TTC33: variants seen among roughly 807,000 people sequenced by gnomAD.
TTC33 encodes tetratricopeptide repeat domain 33, also known as tetratricopeptide repeat protein 33.
In TTC33, 24 loss-of-function variants were observed where a neutral mutation model predicts 29.4. That is an observed-to-expected ratio of 0.82 (90% confidence interval 0.59 to 1.15). The LOEUF is 1.15. Ranked by LOEUF, TTC33 falls within the 50% of genes most tolerant of loss-of-function variation. TTC33 has a pLI of 0.00. For missense variants in TTC33, 286 were observed against 310.4 expected (o/e 0.92, Z 0.59); for synonymous variants, 107 against 100.3 (o/e 1.07, Z -0.40).
chr5:40,716,047 C>T lies in TTC33; in HGVS notation c.*98G>A. ...TCATCTGAAAAACATATTTTACAAC[C>T]AGGCGTTCTCCTATCTATCTCCAGA... is the stretch of plus-strand genomic sequence containing the variant. On this transcript the variant is annotated 3_prime_UTR_variant, in exon 5 of 5. Coordinates refer to ENST00000337702, the MANE Select transcript of TTC33 (RefSeq NM_012382.3). 1 of 994,504 alleles carries T rather than the reference C, an allele frequency of 1.0e-6. No homozygotes were observed. The highest frequency in any genetic ancestry group is 1.4e-6 in the Non-Finnish European group (1 of 692,488). 61.6% of individuals were successfully genotyped at this position (994,504 alleles called of 1,614,324 possible). A position where few individuals can be genotyped will look rare whatever the true frequency, so the allele number is the denominator to read the frequency against.
At chr5:40,745,791 G>A (rs1174706943) in intron 2 of TTC33, among the ~76,000 whole-genome samples, 1 of 151,668 alleles carries the variant, frequency 6.6e-6, no homozygotes, top group Non-Finnish European at 1.5e-5. Flanking sequence ...GTGGAGGGCA[G>A]TGGCAAGATC....
At chr5:40,722,588 A>G (rs1297462831) in intron 4 of TTC33, among the ~76,000 whole-genome samples, 1 of 146,554 alleles carries the variant, frequency 6.8e-6, no homozygotes, top group East Asian at 2.0e-4. Context: ...AGCGTCTCTG[A>G]CCGGCCGCCC....
chr5:40,718,045 A>T (rs79944135), intron 4 of TTC33, among the ~76,000 whole-genome samples: 3,701 of 151,316 alleles, frequency 0.024, 52 homozygotes, highest in East Asian at 0.065. Flanking sequence ...CTGGGCAACA[A>T]GAGCGAAACT....
chr5:40,718,188 G>A lies in TTC33; in HGVS notation c.436-1690C>T, dbSNP rs985630092. ...ATCCAACTCTTTGGGAGGCCGAGGC[G>A]AAAGCATGGATCACTCAAGACCAGG... is the stretch of plus-strand genomic sequence containing the variant. On this transcript the variant is annotated intron_variant, in intron 4 of 4. Coordinates refer to ENST00000337702, the MANE Select transcript of TTC33 (RefSeq NM_012382.3). Among the ~76,000 whole-genome samples the A allele has an allele frequency of 2.6e-5, 4 of 151,968 alleles. No homozygotes were observed. In the East Asian group the frequency reaches 5.8e-4, roughly 22 times the overall value.
chr5:40,715,730 A>G lies in TTC33; in HGVS notation c.*415T>C, dbSNP rs1561141188. ...TAATGAAGCAAGAAAAAGACAGCAAATATTAAGCGCAGTATATTTCTCAGA... is the reference window on the plus strand; with the variant it reads ...TAATGAAGCAAGAAAAAGACAGCAAGTATTAAGCGCAGTATATTTCTCAGA... On this transcript the variant is annotated 3_prime_UTR_variant, in exon 5 of 5. Coordinates refer to ENST00000337702, the MANE Select transcript of TTC33 (RefSeq NM_012382.3). The G allele has an allele frequency of 6.4e-6, 1 of 155,718 alleles. No individual in the cohort carries two copies. The highest frequency in any genetic ancestry group is 1.4e-5 in the Non-Finnish European group (1 of 70,428). The allele number at this position is 155,718 out of a possible 1,614,324, so 9.6% of individuals were successfully genotyped here. A position where few individuals can be genotyped will look rare whatever the true frequency, so the allele number is the denominator to read the frequency against.
intron 2 of TTC33, among the ~76,000 whole-genome samples, chr5:40,740,293 T>C (rs1423332017): frequency 6.6e-6 from 1 of 151,664 alleles, no homozygotes; most frequent in Non-Finnish European, 1.5e-5. Context: ...ATTTTCCTTC[T>C]ATGTAAAGAA....
At chr5:40,723,814 G>A (rs575872539) in intron 4 of TTC33, among the ~76,000 whole-genome samples, 6 of 151,690 alleles carry the variant, frequency 4.0e-5, no homozygotes, top group East Asian at 1.9e-4. Context: ...ACAGTGAGCC[G>A]AGATCACACC....
At chr5:40,721,751 T>C (rs1742140674) in intron 4 of TTC33, among the ~76,000 whole-genome samples, 1 of 151,952 alleles carries the variant, frequency 6.6e-6, no homozygotes, top group Non-Finnish European at 1.5e-5. Flanking sequence ...AATGATTTCC[T>C]GAATATAACA....
rs546728161 is a variant in TTC33 at position 40,750,566 on chromosome 5, C to CA, written c.-1-3548dup. Among the ~76,000 whole-genome samples the CA allele has an allele frequency of 2.4e-3, 349 of 143,838 alleles. 1 individual carries two copies. Among genetic ancestry groups the CA allele is most frequent in the African/African-American group, 7.4e-3 (292 of 39,350 alleles). The allele number at this position is 143,838 out of a possible 152,430, so 94.4% of individuals were successfully genotyped here. On this transcript the variant is annotated intron_variant, in intron 1 of 4. Transcript: ENST00000337702. ...GGGTGACAGGATAAGACTTTGTCTC[C>CA]AAAAAAAAAACAACAACAATGAAGT...
At chr5:40,736,746 TATAAG>T (rs1231212737) in intron 2 of TTC33, among the ~76,000 whole-genome samples, 2 of 152,204 alleles carry the variant, frequency 1.3e-5, no homozygotes, top group African/African-American at 4.8e-5. Context: ...TCCAAAATTC[TATAAG>T]ATATGTATCA....
chr5:40,738,435 T>C lies in TTC33; in HGVS notation c.222-8092A>G, dbSNP rs168730. The stretch of plus-strand genomic sequence containing the variant: ...ATCTCAAAAATAAAATAAAATAAAA[T>C]ATAAAATAAAATACAATACAATACA... On this transcript the variant is annotated intron_variant, in intron 2 of 4. Transcript: ENST00000337702. Among the ~76,000 whole-genome samples the C allele has an allele frequency of 5.0e-4, 42 of 83,814 alleles. No individual in the cohort carries two copies. The East Asian group carries it at 0.016, about 31-fold the overall frequency. 55.0% of individuals were successfully genotyped at this position (83,814 alleles called of 152,430 possible). A position where few individuals can be genotyped will look rare whatever the true frequency, so the allele number is the denominator to read the frequency against.
intron 4 of TTC33, among the ~76,000 whole-genome samples, chr5:40,720,059 A>G (rs1375197467): frequency 2.0e-5 from 3 of 152,132 alleles, no homozygotes; most frequent in Non-Finnish European, 4.4e-5. Flanking sequence ...ATTTTTATCT[A>G]CTTTTTTCTT....
At chr5:40,723,772 G>A (rs553230012) in intron 4 of TTC33, among the ~76,000 whole-genome samples, 11 of 152,198 alleles carry the variant, frequency 7.2e-5, no homozygotes, top group Admixed American at 3.9e-4. Context: ...GGCTGAGGCA[G>A]GAGAATCACT....
At chr5:40,725,987 G>A (rs189600866) in intron 4 of TTC33, among the ~76,000 whole-genome samples, 5,172 of 150,934 alleles carry the variant, frequency 0.034, 116 homozygotes, top group Non-Finnish European at 0.05. Context: ...GGGTTTCACC[G>A]TGTTAGCCAG....
chr5:40,750,736 T>C (rs1742879967), intron 1 of TTC33, among the ~76,000 whole-genome samples: 2 of 152,226 alleles, frequency 1.3e-5, no homozygotes, highest in African/African-American at 2.4e-5. Context: ...CAACTAAGTT[T>C]ATATAATGTA....
chr5:40,725,580 G>A (rs1234888244), intron 4 of TTC33, among the ~76,000 whole-genome samples: 1 of 152,092 alleles, frequency 6.6e-6, no homozygotes, highest in Non-Finnish European at 1.5e-5. Context: ...AAGCCACAAA[G>A]CTAGTTCCAG....
At chr5:40,739,320 C>T (rs1212347466) in intron 2 of TTC33, among the ~76,000 whole-genome samples, 1 of 152,210 alleles carries the variant, frequency 6.6e-6, no homozygotes, top group Admixed American at 6.5e-5. Context: ...TGGAATTGCA[C>T]TGAGTTTACA....
At chr5:40,732,141 C>T (rs1166073594) in intron 2 of TTC33, among the ~76,000 whole-genome samples, 1 of 152,164 alleles carries the variant, frequency 6.6e-6, no homozygotes, top group Non-Finnish European at 1.5e-5. Context: ...TACTGAGTAG[C>T]TAGGACTACA....
At chr5:40,728,840 G>T (rs1742357166) in intron 3 of TTC33, among the ~76,000 whole-genome samples, 1 of 152,088 alleles carries the variant, frequency 6.6e-6, no homozygotes, top group African/African-American at 2.4e-5. Flanking sequence ...ATTAAACTAG[G>T]TGAATTAATT....
Sources: gnomAD v4.1 joint callset for allele counts (sites outside exome capture counted in the v4.1 genomes callset) on GRCh38, gnomAD v4.1.1 for gene constraint, MANE v1.5 for transcripts, NCBI Gene and HGNC (gene_info 2026-07-23, HGNC 2026-07-21) for gene names.